SEC61A2: variants seen among roughly 807,000 people sequenced by gnomAD.
SEC61A2 encodes the protein SEC61 translocon subunit alpha 2, also known as protein transport protein Sec61 subunit alpha isoform 2.
Under a neutral mutation model 59.9 loss-of-function variants are expected in SEC61A2, and 28 were observed. That is an observed-to-expected ratio of 0.47 (90% confidence interval 0.35 to 0.64). The LOEUF (loss-of-function observed/expected upper bound fraction) is 0.64. Among genes scored for constraint, SEC61A2 ranks in the 30% least tolerant of loss-of-function variants. SEC61A2 has a pLI of 0.01. For synonymous variants in SEC61A2, 202 were observed against 214.4 expected, an observed-to-expected ratio of 0.94 and a Z score of 0.50; for missense variants, 340 against 585.9, an observed-to-expected ratio of 0.58 and a Z score of 4.33.
At chr10:12,141,738 G>T (rs1834025133) in intron 3 of SEC61A2, among the ~76,000 whole-genome samples, 1 of 152,136 alleles carries the variant, frequency 6.6e-6, no homozygotes, top group South Asian at 2.1e-4. Context: ...CTTCTTAACA[G>T]TCGCACTCCT....
In SEC61A2 at chr10:12,154,886, G is replaced by A. The variant is rs1021150129; in HGVS notation, c.463-892G>A. Among the ~76,000 whole-genome samples the A allele has an allele frequency of 5.9e-5, 9 of 152,142 alleles. No individual in the cohort carries two copies. Among genetic ancestry groups the A allele is most frequent in the Admixed American group, 1.3e-4 (2 of 15,276 alleles). On this transcript the variant is annotated intron_variant, in intron 6 of 11. Transcript: ENST00000298428. The surrounding 1 kb of genome is among the most constrained non-coding windows in gnomAD (Gnocchi z 5.2). ...TGGAAGTGACTTCCTCACTTCTGCC[G>A]GAGGGTGTCTTTAAAGTGGGGACAT...
intron 1 of SEC61A2, among the ~76,000 whole-genome samples, chr10:12,132,866 GC>G (rs1357000072): frequency 1.3e-5 from 2 of 151,998 alleles, no homozygotes; most frequent in Admixed American, 6.6e-5. Flanking sequence ...CCTTTGAACA[GC>G]CCCCTTTTTG....
intron 4 of SEC61A2, among the ~76,000 whole-genome samples, chr10:12,146,557 A>T (rs549556294): frequency 2.7e-5 from 4 of 150,260 alleles, no homozygotes; most frequent in African/African-American, 9.8e-5. Flanking sequence ...TCGCTCTGTC[A>T]CCCAGGCTGG....
At chr10:12,131,815 T>C (rs1318444422) in intron 1 of SEC61A2, among the ~76,000 whole-genome samples, 4 of 138,936 alleles carry the variant, frequency 2.9e-5, no homozygotes, top group Non-Finnish European at 6.2e-5. Context: ...CTCAGCCTCC[T>C]GGGGAGGGGG....
At chr10:12,169,457 T>C (rs1834801643), downstream of SEC61A2, 2 of 645,388 alleles carry the variant, frequency 3.1e-6, no homozygotes, top group Admixed American at 3.1e-5. The surrounding 1 kb of genome is among the most constrained non-coding windows in gnomAD (Gnocchi z 4.8). Flanking sequence ...ACCTGTTTGA[T>C]GTGATAGCTA....
At chr10:12,141,919 C>CA (rs1834032108) in intron 3 of SEC61A2, among the ~76,000 whole-genome samples, 2 of 152,136 alleles carry the variant, frequency 1.3e-5, no homozygotes, top group Admixed American at 6.5e-5. Flanking sequence ...ATGAGGGAGA[C>CA]AAATCCAGTT....
Position 12,148,262 on chromosome 10 carries a change from T to TAA in SEC61A2, c.221-1332_221-1331dup, listed in dbSNP as rs1564411636. ...CCATTTTTTTTTTTTTTTTTTTTTT[T>TAA]AAGACAGAATTTCGCTCTTGTTGCC... On this transcript the variant is annotated intron_variant, in intron 4 of 11. Transcript: ENST00000298428. Among the ~76,000 whole-genome samples, 5 of 116,972 alleles carry TAA rather than the reference T, an allele frequency of 4.3e-5. No homozygotes were observed. The Admixed American group carries it at 4.7e-4, about 11-fold the overall frequency. 76.7% of individuals were successfully genotyped at this position (116,972 alleles called of 152,430 possible).
downstream of SEC61A2, chr10:12,169,381 C>T (rs1834797766): frequency 8.1e-7 from 1 of 1,236,782 alleles, no homozygotes; most frequent in East Asian, 2.6e-5. The surrounding 1 kb of genome is among the most constrained non-coding windows in gnomAD (Gnocchi z 4.8). Flanking sequence ...GCTTTCCACG[C>T]ACCTCCTCAG....
In SEC61A2 at chr10:12,152,870, A is replaced by T. The variant is rs566404493; in HGVS notation, c.463-2908A>T. Among the ~76,000 whole-genome samples, 4 of 151,394 alleles carry T rather than the reference A, an allele frequency of 2.6e-5. No homozygotes were observed. The South Asian group carries it at 8.4e-4, about 32-fold the overall frequency. The stretch of plus-strand genomic sequence containing the variant: ...CACTCCAGCCTGGCGACAGAGCGGG[A>T]CTCCGTCTCAAAAACTAAAACAAAA... On this transcript the variant is annotated intron_variant, in intron 6 of 11. Coordinates refer to ENST00000298428, the MANE Select transcript of SEC61A2 (RefSeq NM_018144.4). This position sits in a 1 kb window ranked among gnomAD's most constrained non-coding sequence, Gnocchi z 5.5.
At position 12,152,920 on chromosome 10, in the gene SEC61A2, G is replaced by A. The variant is rs181318683; in HGVS notation, c.463-2858G>A. Reference sequence around the variant, plus strand: ...ATAAAACGACAAAAATTAGCCAGGCGTGGCGGTGTGTGCCTGTAATCCCAG... The same window carrying A: ...ATAAAACGACAAAAATTAGCCAGGCATGGCGGTGTGTGCCTGTAATCCCAG... On this transcript the variant is annotated intron_variant, in intron 6 of 11. Coordinates refer to ENST00000298428, the MANE Select transcript of SEC61A2 (RefSeq NM_018144.4). The surrounding 1 kb of genome is among the most constrained non-coding windows in gnomAD (Gnocchi z 5.5). 2.7e-4 allele frequency among the ~76,000 whole-genome samples: 41 copies of A among 151,774 alleles called. 1 individual carries two copies. Among genetic ancestry groups the A allele is most frequent in the East Asian group, 1.4e-3 (7 of 5,170 alleles).
At chr10:12,169,456 A>G, downstream of SEC61A2, 1 of 646,236 alleles carries the variant, frequency 1.5e-6, no homozygotes. This position sits in a 1 kb window ranked among gnomAD's most constrained non-coding sequence, Gnocchi z 4.8. Context: ...AACCTGTTTG[A>G]TGTGATAGCT....
chr10:12,149,793 C>T lies in SEC61A2; in HGVS notation c.353-59C>T. 2 of 1,606,334 alleles carry T rather than the reference C, an allele frequency of 1.2e-6. No homozygotes were observed. Among genetic ancestry groups the T allele is most frequent in the Non-Finnish European group, 1.7e-6 (2 of 1,175,324 alleles). On this transcript the variant is annotated intron_variant, in intron 5 of 11. Coordinates refer to ENST00000298428, the MANE Select transcript of SEC61A2 (RefSeq NM_018144.4). The surrounding 1 kb of genome is among the most constrained non-coding windows in gnomAD (Gnocchi z 5.2). Reference sequence around the variant, plus strand: ...AGTGCTCGTGGTAAAGATGTTTTCTCTAGTCTTTTCTTGTCTTTGGTGGTA... The same window carrying T: ...AGTGCTCGTGGTAAAGATGTTTTCTTTAGTCTTTTCTTGTCTTTGGTGGTA...
In SEC61A2 at chr10:12,158,188, C is replaced by A; in HGVS notation, c.975+83C>A. On this transcript the variant is annotated intron_variant, in intron 9 of 11. Coordinates refer to ENST00000298428, the MANE Select transcript of SEC61A2 (RefSeq NM_018144.4). This position sits in a 1 kb window ranked among gnomAD's most constrained non-coding sequence, Gnocchi z 5.7. Reference sequence around the variant, plus strand: ...TGTATTTTTAATGGAATGAGGTCGACATTGGAGCATTTGCTGTATTTTCAG... The same window carrying A: ...TGTATTTTTAATGGAATGAGGTCGAAATTGGAGCATTTGCTGTATTTTCAG... 1 of 1,062,110 alleles carries A rather than the reference C, an allele frequency of 9.4e-7. No homozygotes were observed. The highest frequency in any genetic ancestry group is 1.4e-6 in the Non-Finnish European group (1 of 719,146). The allele number at this position is 1,062,110 out of a possible 1,614,324, so 65.8% of individuals were successfully genotyped here. A position where few individuals can be genotyped will look rare whatever the true frequency, so the allele number is the denominator to read the frequency against.
chr10:12,137,181 C>G (rs765691858), intron 3 of SEC61A2, among the ~76,000 whole-genome samples: 1 of 152,116 alleles, frequency 6.6e-6, no homozygotes, highest in African/African-American at 2.4e-5. Flanking sequence ...GGTAGGACTG[C>G]AGGTGTGCCC....
At chr10:12,163,652 A>G (rs1433002827) in intron 11 of SEC61A2, among the ~76,000 whole-genome samples, 3 of 151,846 alleles carry the variant, frequency 2.0e-5, no homozygotes, top group African/African-American at 7.3e-5. Context: ...GCTTGGGGGC[A>G]TCCTGTTGTC....
chr10:12,158,040 A>C lies in SEC61A2; in HGVS notation c.910A>C (p.Ile304Leu), dbSNP rs746595264. 1 of 1,614,124 alleles carries C rather than the reference A, an allele frequency of 6.2e-7. No individual in the cohort carries two copies. The highest frequency in any genetic ancestry group is 8.5e-7 in the Non-Finnish European group (1 of 1,180,020). The change falls in exon 9 of 12, where the codon ATT (isoleucine) becomes CTT (leucine). Residue 304 changes from isoleucine (I) to leucine (L), a missense_variant. Physicochemically the swap from Ile to Leu is conservative, Grantham distance 5. Around this residue, in one of 3 missense-constraint regions of SEC61A2, gnomAD observed 283 missense variants for 483.2 expected, o/e 0.59. Coordinates refer to ENST00000298428, the MANE Select transcript of SEC61A2 (RefSeq NM_018144.4). The surrounding 1 kb of genome is among the most constrained non-coding windows in gnomAD (Gnocchi z 5.7). ...GGCCCTGGTGTCCAACCTGTATGTT[A>C]TTTCCCAGATGCTGTCTGTTCGATT... ...QSALVSNLYV[I>L]SQMLSVRFSG...
intron 3 of SEC61A2, among the ~76,000 whole-genome samples, chr10:12,137,404 G>A (rs959453325): frequency 6.0e-4 from 91 of 151,784 alleles, no homozygotes; most frequent in African/African-American, 2.0e-3. Flanking sequence ...CCCCAAGCCC[G>A]GGTGATCTTC....
rs567534510 is a variant in SEC61A2, at chr10:12,142,349, G to A, written c.142-768G>A. 1 of 205,514 alleles carries A rather than the reference G, an allele frequency of 4.9e-6. No homozygotes were observed. The highest frequency in any genetic ancestry group is 6.5e-5 in the Admixed American group (1 of 15,326). The allele number at this position is 205,514 out of a possible 1,614,324, so 12.7% of individuals were successfully genotyped here. On this transcript the variant is annotated intron_variant, in intron 3 of 11. Transcript: ENST00000298428. The surrounding 1 kb of genome is among the most constrained non-coding windows in gnomAD (Gnocchi z 5.4). ...CTCTAGATATTGCCAAATGTCTTGGGTGGGGGCTAAAATCACCCCTAGTTT... is the reference window on the plus strand; with the variant it reads ...CTCTAGATATTGCCAAATGTCTTGGATGGGGGCTAAAATCACCCCTAGTTT...
At chr10:12,130,055 T>G (rs1045206530) in intron 1 of SEC61A2, among the ~76,000 whole-genome samples, 5 of 151,798 alleles carry the variant, frequency 3.3e-5, no homozygotes, top group Non-Finnish European at 5.9e-5. Flanking sequence ...AGGCCATTGG[T>G]TTTGGGGGCG....
Sources: allele counts gnomAD v4.1 joint callset (sites outside exome capture counted in the v4.1 genomes callset), GRCh38; gene constraint gnomAD v4.1.1; regional missense constraint gnomAD v4.1.1; non-coding constraint Gnocchi (gnomAD v3.1); transcripts MANE v1.5; gene names NCBI Gene and HGNC (gene_info 2026-07-23, HGNC 2026-07-21).